Variants in ADGB observed in about 807,000 individuals in gnomAD.
The protein encoded by ADGB is androglobin.
In ADGB, 172 loss-of-function variants were observed where a neutral mutation model predicts 210.5. The ratio of observed to expected loss-of-function variants is 0.82; its 90% confidence interval spans 0.72 to 0.93. The LOEUF (loss-of-function observed/expected upper bound fraction) is 0.93, where lower values mean the gene tolerates loss of function less well. Among genes scored for constraint, ADGB ranks in the 40% least tolerant of loss-of-function variants. The probability of loss-of-function intolerance (pLI) is 0.00; values close to 1 mark genes in which losing one functional copy is unlikely to be tolerated. For synonymous variants in ADGB, 658 were observed against 662.7 expected (o/e 0.99, Z 0.11); for missense variants, 2,025 against 1,964.8 (o/e 1.03, Z -0.58).
chr6:146,797,545 A>G (rs75248872), intron 33 of ADGB, among the ~76,000 whole-genome samples: 7,381 of 152,186 alleles, frequency 0.048, 613 homozygotes, highest in African/African-American at 0.17. Flanking sequence ...ACGTATACAT[A>G]TATACATATA....
At chr6:146,650,722 G>C (rs1191259963) in intron 3 of ADGB, among the ~76,000 whole-genome samples, 3 of 151,486 alleles carry the variant, frequency 2.0e-5, no homozygotes, top group South Asian at 2.1e-4. Context: ...CGATGGACCT[G>C]GTCTTGGCTG....
intron 29 of ADGB, among the ~76,000 whole-genome samples, chr6:146,780,284 A>G (rs1410050354): frequency 6.6e-6 from 1 of 152,266 alleles, no homozygotes; most frequent in South Asian, 2.1e-4. Flanking sequence ...GTAGTGGAGG[A>G]ATTGAGAAAT....
intron 2 of ADGB, among the ~76,000 whole-genome samples, chr6:146,643,266 T>C (rs1262445726): frequency 2.6e-5 from 4 of 151,920 alleles, no homozygotes; most frequent in African/African-American, 9.7e-5. Flanking sequence ...ATACTTATAA[T>C]GTTCAAACTG....
At chr6:146,781,928 C>T in intron 29 of ADGB, 92 bp from the exon 30 acceptor site, 1 of 874,880 alleles carries the variant, frequency 1.1e-6, no homozygotes. Context: ...ATTAGCTTAA[C>T]CATATGTCCC....
intron 12 of ADGB, among the ~76,000 whole-genome samples, chr6:146,695,042 G>T (rs1487251096): frequency 6.6e-6 from 1 of 152,046 alleles, no homozygotes; most frequent in Non-Finnish European, 1.5e-5. Flanking sequence ...CATACTCAAA[G>T]CCTTCCTTGC....
chr6:146,801,240 G>A lies in ADGB; in HGVS notation c.4595G>A (p.Arg1532Gln), dbSNP rs746595057. ...TTGGAAACATCTCCACGACTTATTCGAAAAGCACTAGAATTTATGGATTTA... is the reference window on the plus strand; with the variant it reads ...TTGGAAACATCTCCACGACTTATTCAAAAAGCACTAGAATTTATGGATTTA... ...TILETSPRLI[R>Q]KALEFMDLSQ... Residue 1532 changes from arginine to glutamine, a missense_variant, in exon 34 of 36, where the codon CGA becomes CAA. Arg to Gln is a conservative substitution (Grantham distance 43). Coordinates refer to ENST00000397944, the MANE Select transcript of ADGB (RefSeq NM_024694.4). 2.0e-5 allele frequency: 30 copies of A among 1,513,042 alleles called. No individual in the cohort carries two copies. The South Asian group carries it at 2.7e-4, about 14-fold the overall frequency. 93.7% of individuals were successfully genotyped at this position (1,513,042 alleles called of 1,614,324 possible). A position where few individuals can be genotyped will look rare whatever the true frequency, so the allele number is the denominator to read the frequency against.
chr6:146,756,133 C>G (rs1777403634), intron 27 of ADGB, among the ~76,000 whole-genome samples: 1 of 152,058 alleles, frequency 6.6e-6, no homozygotes, highest in African/African-American at 2.4e-5. Flanking sequence ...CTTACACAGG[C>G]TTCAGTAGTT....
intron 28 of ADGB, among the ~76,000 whole-genome samples, chr6:146,767,839 G>A (rs1347071683): frequency 6.6e-6 from 1 of 152,136 alleles, no homozygotes; most frequent in African/African-American, 2.4e-5. Context: ...GCTAAAGCAG[G>A]ACTTCAACCC....
At chr6:146,599,142 C>T (rs549619844) in intron 1 of ADGB, 28 bp downstream of exon 1, 36 of 1,544,020 alleles carry the variant, frequency 2.3e-5, no homozygotes, top group South Asian at 1.8e-4. Flanking sequence ...GTCCGTCCCT[C>T]CCCTGGCCTA....
At chr6:146,697,589 G>A (rs974074869) in intron 12 of ADGB, among the ~76,000 whole-genome samples, 8 of 151,912 alleles carry the variant, frequency 5.3e-5, no homozygotes, top group Non-Finnish European at 8.8e-5. Flanking sequence ...TAGATTAGAA[G>A]ATAATATCCA....
chr6:146,733,983 T>C lies in ADGB; in HGVS notation c.2747T>C (p.Met916Thr), dbSNP rs1198405696. The C allele has an allele frequency of 6.4e-7, 1 of 1,551,570 alleles. No homozygotes were observed. ...GCAGCAGCAATTAAAATTCAAGCCA[T>C]GTGGAGAGGAACTTACGTTAGATTG... ...EVAAAIKIQA[M>T]WRGTYVRLLM... Residue 916 changes from methionine to threonine, a missense_variant, in exon 22 of 36, where the codon ATG becomes ACG. Coordinates refer to ENST00000397944, the MANE Select transcript of ADGB (RefSeq NM_024694.4).
At chr6:146,764,270 T>C (rs892422832) in intron 28 of ADGB, among the ~76,000 whole-genome samples, 170 bp downstream of exon 28, 10 of 152,298 alleles carry the variant, frequency 6.6e-5, no homozygotes, top group African/African-American at 2.2e-4. Flanking sequence ...GATCTTTAAA[T>C]ACATCTTGGC....
Position 146,751,432 on chromosome 6 carries a change from G to A in ADGB, c.3366-1098G>A, listed in dbSNP as rs373812150. ...TCTTTGCTGTTGTGAATAGTGCTGCGGTGAACATATGCATGCATGTATCTT... is the reference window on the plus strand; with the variant it reads ...TCTTTGCTGTTGTGAATAGTGCTGCAGTGAACATATGCATGCATGTATCTT... On this transcript the variant is annotated intron_variant, in intron 26 of 35. Transcript: ENST00000397944. 5.3e-5 allele frequency among the ~76,000 whole-genome samples: 8 copies of A among 151,990 alleles called. No homozygotes were observed. The South Asian group carries it at 1.0e-3, about 20-fold the overall frequency.
At chr6:146,747,856 CATT>C (rs1777264430) in intron 26 of ADGB, among the ~76,000 whole-genome samples, 1 of 150,054 alleles carries the variant, frequency 6.7e-6, no homozygotes, top group Admixed American at 6.6e-5. Flanking sequence ...GATCTTGGCT[CATT>C]GCAACCTCTG....
At chr6:146,773,718 T>G (rs1360665308) in intron 29 of ADGB, among the ~76,000 whole-genome samples, 2 of 152,160 alleles carry the variant, frequency 1.3e-5, no homozygotes, top group Admixed American at 1.3e-4. Flanking sequence ...GTCTGATTTA[T>G]TCCAAAGCCC....
intron 33 of ADGB, among the ~76,000 whole-genome samples, chr6:146,790,508 C>T (rs949813155): frequency 3.3e-5 from 5 of 152,154 alleles, no homozygotes; most frequent in African/African-American, 1.2e-4. Context: ...CATAATGTGG[C>T]AAATGACAGA....
intron 1 of ADGB, among the ~76,000 whole-genome samples, chr6:146,624,536 A>G (rs894647470): frequency 6.6e-6 from 1 of 151,830 alleles, no homozygotes; most frequent in Non-Finnish European, 1.5e-5. Context: ...TTATATACTC[A>G]AATAACTGGA....
intron 16 of ADGB, 22 bp downstream of exon 16, chr6:146,717,621 C>A (rs1407596037): frequency 1.5e-6 from 2 of 1,298,890 alleles, no homozygotes; most frequent in Non-Finnish European, 2.1e-6. Flanking sequence ...AGAATCTTTT[C>A]TATTCTCTTT....
chr6:146,690,568 A>C (rs1032632631), intron 10 of ADGB, among the ~76,000 whole-genome samples: 1 of 152,196 alleles, frequency 6.6e-6, no homozygotes, highest in Non-Finnish European at 1.5e-5. Flanking sequence ...CTAACACTAG[A>C]ATATGAGAAG....
Sources: allele counts gnomAD v4.1 joint callset (sites outside exome capture counted in the v4.1 genomes callset), GRCh38; gene constraint gnomAD v4.1.1; transcripts MANE v1.5; gene names NCBI Gene and HGNC (gene_info 2026-07-23, HGNC 2026-07-21).